TRIM66: variants seen among roughly 807,000 people sequenced by gnomAD.
TRIM66 encodes tripartite motif containing 66.
A neutral mutation model predicts 148.2 loss-of-function variants in TRIM66; 99 were observed. The observed-to-expected ratio is 0.67, with a 90% CI of 0.57 to 0.79. The LOEUF (loss-of-function observed/expected upper bound fraction) is 0.79, where lower values mean the gene tolerates loss of function less well. Ranked by LOEUF, TRIM66 falls within the 30% of genes least tolerant of loss-of-function variation. TRIM66 has a pLI of 0.00. For synonymous variants in TRIM66, 616 were observed against 635.9 expected (o/e 0.97, Z 0.47); for missense variants, 1,666 against 1,697.9 (o/e 0.98, Z 0.33).
chr11:8,646,593 C>T (rs768206857), intron 10 of TRIM66, 32 bp from the exon 11 acceptor site: 42 of 1,509,342 alleles, frequency 2.8e-5, no homozygotes, highest in East Asian at 2.5e-5. Flanking sequence ...CCATGGTAAG[C>T]TTTCCTCATG....
chr11:8,619,290 GC>G, intron 23 of TRIM66, 92 bp downstream of exon 23: 1 of 1,394,408 alleles, frequency 7.2e-7, no homozygotes, highest in Non-Finnish European at 9.5e-7. Flanking sequence ...CCTCATGGCA[GC>G]CCAGACCAAA....
intron 6 of TRIM66, among the ~76,000 whole-genome samples, chr11:8,669,634 C>T (rs2038811539): frequency 7.1e-6 from 1 of 140,074 alleles, no homozygotes; most frequent in Non-Finnish European, 1.5e-5. Context: ...CAGAGTGAGA[C>T]CCTGTCTCAA....
In TRIM66 at chr11:8,614,440, T is replaced by A. The variant is rs1297569440; in HGVS notation, c.*3504A>T. 1 of 152,258 alleles carries A rather than the reference T, an allele frequency of 6.6e-6. No individual in the cohort carries two copies. Among genetic ancestry groups the A allele is most frequent in the Non-Finnish European group, 1.5e-5 (1 of 68,178 alleles). The allele number at this position is 152,258 out of a possible 1,614,324, so 9.4% of individuals were successfully genotyped here. A position where few individuals can be genotyped will look rare whatever the true frequency, so the allele number is the denominator to read the frequency against. ...ACATCAGTGTGTGATAGGCTCTGGG[T>A]TCATGCTGGGGAGAGGAAGAAGTCC... On this transcript the variant is annotated 3_prime_UTR_variant, in exon 25 of 25. Transcript: ENST00000646038.
In TRIM66 at chr11:8,616,852, A is replaced by T. The variant is rs1565463458; in HGVS notation, c.*1092T>A. The stretch of plus-strand genomic sequence containing the variant: ...AAAGTGTTGGCTTTTTTGGGGCTGT[A>T]GACAGCCTGGAGGCGGGCTGGTCAG... On this transcript the variant is annotated 3_prime_UTR_variant, in exon 25 of 25. Transcript: ENST00000646038. The T allele has an allele frequency of 6.6e-6, 1 of 152,222 alleles. No homozygotes were observed. The highest frequency in any genetic ancestry group is 1.5e-5 in the Non-Finnish European group (1 of 68,080). The allele number at this position is 152,222 out of a possible 1,614,324, so 9.4% of individuals were successfully genotyped here. A position where few individuals can be genotyped will look rare whatever the true frequency, so the allele number is the denominator to read the frequency against.
chr11:8,679,246 T>C (rs2039312116), intron 3 of TRIM66: 1 of 152,166 alleles, frequency 6.6e-6, no homozygotes, highest in Non-Finnish European at 1.5e-5. Context: ...AAACACCACA[T>C]GAGCTGTGTG....
At chr11:8,644,236 T>TTAGGTAATCCA (rs1322975137) in intron 12 of TRIM66, 1 of 339,806 alleles carries the variant, frequency 2.9e-6, no homozygotes, top group African/African-American at 2.2e-5. Context: ...ACTCCTACTC[T>TTAGGTAATCCA]TAGGTAATCC....
At chr11:8,626,098 G>A (rs2034819265) in intron 15 of TRIM66, among the ~76,000 whole-genome samples, 3 of 152,160 alleles carry the variant, frequency 2.0e-5, no homozygotes, top group Non-Finnish European at 4.4e-5. Flanking sequence ...ATAAAAAGAA[G>A]TTGAAGATAC....
At position 8,648,523 on chromosome 11, in the gene TRIM66, GA is replaced by G; in HGVS notation, c.617del (p.Phe206SerfsTer29). The G allele has an allele frequency of 6.4e-7, 1 of 1,551,734 alleles. No homozygotes were observed. Among genetic ancestry groups the G allele is most frequent in the Non-Finnish European group, 8.7e-7 (1 of 1,147,010 alleles). ...GTGTGTGTAGAGGACAATACAAGGT[GA>G]AGTCTCCGGGACCACCATTCACTCC... is the stretch of plus-strand genomic sequence containing the variant. ...SPGVNGGPGDFTLYCPLHTQE... is the reference protein window; with the variant it reads ...SPGVNGGPGDXTLYCPLHTQE... On this transcript the variant is annotated frameshift_variant, in exon 9 of 25. Coordinates refer to ENST00000646038, the MANE Select transcript of TRIM66 (RefSeq NM_001388022.1). LOFTEE classifies it high-confidence loss of function.
chr11:8,638,897 C>T, intron 14 of TRIM66, 82 bp from the exon 15 acceptor site: 1 of 1,412,384 alleles, frequency 7.1e-7, no homozygotes, highest in Non-Finnish European at 9.5e-7. Context: ...GGCTAGTGCT[C>T]ACCCTGCCAT....
At position 8,619,541 on chromosome 11, in the gene TRIM66, G is replaced by C. The variant is rs1193291019; in HGVS notation, c.3748-6C>G. On this transcript the variant is annotated splice_region_variant and splice_polypyrimidine_tract_variant and intron_variant, in intron 22 of 24. Coordinates refer to ENST00000646038, the MANE Select transcript of TRIM66 (RefSeq NM_001388022.1). ...ATCTGGTAATAATGCCGGGCCTTGG[G>C]GGAGGAGACATGAGGAGAAGGAGGC... is the stretch of plus-strand genomic sequence containing the variant. 5.9e-6 allele frequency: 9 copies of C among 1,533,538 alleles called. No individual in the cohort carries two copies. The highest frequency in any genetic ancestry group is 7.0e-6 in the Non-Finnish European group (8 of 1,139,854). 95.0% of individuals were successfully genotyped at this position (1,533,538 alleles called of 1,614,324 possible).
chr11:8,650,959 C>T (rs1470395329), intron 7 of TRIM66, among the ~76,000 whole-genome samples: 1 of 152,224 alleles, frequency 6.6e-6, no homozygotes, highest in African/African-American at 2.4e-5. Flanking sequence ...GCTCCCACAC[C>T]TGGGCTCTGC....
At position 8,613,041 on chromosome 11, in the gene TRIM66, C is replaced by T. The variant is rs938268332; in HGVS notation, c.*4903G>A. On this transcript the variant is annotated 3_prime_UTR_variant, in exon 25 of 25. Transcript: ENST00000646038. The stretch of plus-strand genomic sequence containing the variant: ...GAGGGAAGGACTCACAGATGCTGTC[C>T]TCCCAGCAGGAGCTCATAAACATGG... 5 of 152,224 alleles carry T rather than the reference C, an allele frequency of 3.3e-5. No individual in the cohort carries two copies. The highest frequency in any genetic ancestry group is 3.3e-4 in the Admixed American group (5 of 15,270). The allele number at this position is 152,224 out of a possible 1,614,324, so 9.4% of individuals were successfully genotyped here.
At chr11:8,675,478 G>A (rs936330029) in intron 3 of TRIM66, among the ~76,000 whole-genome samples, 1 of 152,138 alleles carries the variant, frequency 6.6e-6, no homozygotes, top group African/African-American at 2.4e-5. Flanking sequence ...CACCTCCCAG[G>A]TTCAAGTGAT....
chr11:8,625,241 A>C lies in TRIM66; in HGVS notation c.2311-13T>G, dbSNP rs1228541755. ...GCGAGGTGGAGTGCTGCAGGAACAG[A>C]GACAAGGGGTAGAGTCAGGCTGCTA... On this transcript the variant is annotated splice_polypyrimidine_tract_variant and intron_variant, in intron 15 of 24. Coordinates refer to ENST00000646038, the MANE Select transcript of TRIM66 (RefSeq NM_001388022.1). 2 of 1,486,668 alleles carry C rather than the reference A, an allele frequency of 1.3e-6. No individual in the cohort carries two copies. Among genetic ancestry groups the C allele is most frequent in the East Asian group, 5.0e-5 (2 of 40,324 alleles). The allele number at this position is 1,486,668 out of a possible 1,614,324, so 92.1% of individuals were successfully genotyped here.
At position 8,679,805 on chromosome 11, in the gene TRIM66, G is replaced by T. The variant is rs2039332011; in HGVS notation, c.-375C>A. The T allele has an allele frequency of 6.6e-6, 1 of 152,556 alleles. No homozygotes were observed. Among genetic ancestry groups the T allele is most frequent in the South Asian group, 2.1e-4 (1 of 4,828 alleles). 9.5% of individuals were successfully genotyped at this position (152,556 alleles called of 1,614,324 possible). On this transcript the variant is annotated 5_prime_UTR_variant, in exon 3 of 25. Transcript: ENST00000646038. Reference sequence around the variant, plus strand: ...TGATTAAGGTTGATGGAGGGATGAAGACCATAATGCTGTAAGGTCAGAGAG... The same window carrying T: ...TGATTAAGGTTGATGGAGGGATGAATACCATAATGCTGTAAGGTCAGAGAG...
chr11:8,681,179 G>A (rs59752192), intron 1 of TRIM66, among the ~76,000 whole-genome samples: 4,482 of 151,304 alleles, frequency 0.03, 234 homozygotes, highest in African/African-American at 0.1. Flanking sequence ...TGTCGCCCAG[G>A]CTGCAGTGCA....
At chr11:8,661,622 TG>T (rs1362352025) in intron 6 of TRIM66, among the ~76,000 whole-genome samples, 1 of 152,198 alleles carries the variant, frequency 6.6e-6, no homozygotes, top group Non-Finnish European at 1.5e-5. Flanking sequence ...AGGAAAGCCC[TG>T]GACTGTCAGG....
chr11:8,622,374 A>ATATATATATATATATATATATATC, intron 18 of TRIM66, among the ~76,000 whole-genome samples: 1 of 124,096 alleles, frequency 8.1e-6, no homozygotes, highest in East Asian at 2.2e-4. Context: ...ACATATATAT[A>ATATATATATATATATATATATATC]TATATATATC....
Position 8,618,771 on chromosome 11 carries a change from G to C in TRIM66, c.4098C>G (p.Pro1366=). 6.4e-7 allele frequency: 1 copy of C among 1,550,796 alleles called. No individual in the cohort carries two copies. The highest frequency in any genetic ancestry group is 8.7e-7 in the Non-Finnish European group (1 of 1,146,844). ...TTACCATATGTCGTCGCCGCCTCTTGGGTTGGATGCCCTCCTGCATGTAGG... is the reference window on the plus strand; with the variant it reads ...TTACCATATGTCGTCGCCGCCTCTTCGGTTGGATGCCCTCCTGCATGTAGG... ...WPPYMQEGIQ[P]KRRRRHMENE... is the part of the protein sequence containing the mutation. The change falls in exon 24 of 25, where the codon CCC becomes CCG. Residue 1366 remains proline, a synonymous_variant. Coordinates refer to ENST00000646038, the MANE Select transcript of TRIM66 (RefSeq NM_001388022.1).
Sources: gnomAD v4.1 joint callset for allele counts (sites outside exome capture counted in the v4.1 genomes callset) on GRCh38, gnomAD v4.1.1 for gene constraint, MANE v1.5 for transcripts, NCBI Gene and HGNC (gene_info 2026-07-23, HGNC 2026-07-21) for gene names.